Variants in PRR5 observed in about 807,000 individuals in gnomAD.
The protein encoded by PRR5 is proline rich 5.
A neutral mutation model predicts 30.6 loss-of-function variants in PRR5; 25 were observed. The observed-to-expected ratio is 0.82, with a 90% CI of 0.60 to 1.14. The LOEUF is 1.14. PRR5 is among the 50% of genes most tolerant of loss of function. The pLI, the probability that PRR5 is intolerant of heterozygous loss-of-function variation, is 0.00. For missense variants in PRR5, 600 were observed against 547.1 expected, an observed-to-expected ratio of 1.10 and a Z score of -0.96; for synonymous variants, 286 against 247.1, an observed-to-expected ratio of 1.16 and a Z score of -1.48.
At chr22:44,727,034 G>A (rs1920981855) in intron 4 of PRR5, among the ~76,000 whole-genome samples, 1 of 152,118 alleles carries the variant, frequency 6.6e-6, no homozygotes, top group Non-Finnish European at 1.5e-5. Flanking sequence ...GACAGGGTGG[G>A]GGACTCAGCT....
At chr22:44,679,824 A>AGGGAAGCCTGGGGCTC (rs1924100699) in intron 1 of PRR5, 4 of 1,599,358 alleles carry the variant, frequency 2.5e-6, no homozygotes, top group Middle Eastern at 3.3e-4. Context: ...ACTTTCACAG[A>AGGGAAGCCTGGGGCTC]GGGAAGCCTG....
At chr22:44,671,113 C>T (rs987665581) in intron 1 of PRR5, among the ~76,000 whole-genome samples, 1 of 152,150 alleles carries the variant, frequency 6.6e-6, no homozygotes, top group Admixed American at 6.5e-5. Flanking sequence ...TGGTGCTATC[C>T]GGGTCAGATG....
chr22:44,708,536 G>A (rs945103395), intron 1 of PRR5, among the ~76,000 whole-genome samples: 3 of 152,098 alleles, frequency 2.0e-5, no homozygotes, highest in African/African-American at 4.8e-5. Flanking sequence ...CAGCAACACC[G>A]TGCTCCCCAT....
At chr22:44,705,048 C>G (rs368075762) in intron 1 of PRR5, among the ~76,000 whole-genome samples, 1 of 152,172 alleles carries the variant, frequency 6.6e-6, no homozygotes, top group African/African-American at 2.4e-5. Flanking sequence ...CATTATGAGT[C>G]CAAGACACAC....
chr22:44,700,078 G>A (rs1055871567), upstream of PRR5, among the ~76,000 whole-genome samples: 3 of 152,070 alleles, frequency 2.0e-5, no homozygotes, highest in Non-Finnish European at 2.9e-5. Flanking sequence ...CACTATGGGT[G>A]GCCAAAAGTG....
chr22:44,735,855 A>G (rs1923138591), intron 7 of PRR5, among the ~76,000 whole-genome samples: 1 of 152,018 alleles, frequency 6.6e-6, no homozygotes, highest in African/African-American at 2.4e-5. Context: ...GCTGGTGTAA[A>G]ACCTGCCCAC....
In PRR5 at chr22:44,737,443, T is replaced by C; in HGVS notation, c.*196T>C. 8.3e-7 allele frequency: 1 copy of C among 1,206,058 alleles called. No homozygotes were observed. Among genetic ancestry groups the C allele is most frequent in the Non-Finnish European group, 1.1e-6 (1 of 904,810 alleles). 74.7% of individuals were successfully genotyped at this position (1,206,058 alleles called of 1,614,324 possible). A position where few individuals can be genotyped will look rare whatever the true frequency, so the allele number is the denominator to read the frequency against. On this transcript the variant is annotated 3_prime_UTR_variant, in exon 8 of 8. Transcript: ENST00000336985. ...GCCTTCCTTGCTCGGCCCAGGTCTG[T>C]TTCAGGCATCTGAGTCGGCGTTTAC... is the stretch of plus-strand genomic sequence containing the variant.
intron 1 of PRR5, among the ~76,000 whole-genome samples, chr22:44,712,061 G>T (rs1167624687): frequency 6.6e-6 from 1 of 152,004 alleles, no homozygotes; most frequent in Non-Finnish European, 1.5e-5. Context: ...TTCTCACAGG[G>T]GAGCGTCATC....
At chr22:44,674,364 G>A (rs528618937), upstream of PRR5, among the ~76,000 whole-genome samples, 94 of 151,898 alleles carry the variant, frequency 6.2e-4, no homozygotes, top group African/African-American at 2.1e-3. Context: ...AGCCAGGCAC[G>A]GTGGCTCATG....
chr22:44,735,608 G>C (rs1372449598), intron 7 of PRR5, among the ~76,000 whole-genome samples: 1 of 152,204 alleles, frequency 6.6e-6, no homozygotes, highest in Non-Finnish European at 1.5e-5. Context: ...AGCTGGCCAC[G>C]TTGCTCCCTT....
chr22:44,718,144 G>C (rs1290560674), intron 2 of PRR5, among the ~76,000 whole-genome samples: 3 of 150,430 alleles, frequency 2.0e-5, no homozygotes, highest in Admixed American at 2.0e-4. Context: ...TAACGCTGCT[G>C]TGAACATCTG....
chr22:44,687,643 G>C (rs1462912462), intron 1 of PRR5, among the ~76,000 whole-genome samples: 1 of 152,180 alleles, frequency 6.6e-6, no homozygotes, highest in Non-Finnish European at 1.5e-5. Context: ...GGAGAATTCA[G>C]TTTCACCTCC....
chr22:44,670,940 A>G (rs945981976), intron 1 of PRR5, among the ~76,000 whole-genome samples: 2 of 152,178 alleles, frequency 1.3e-5, no homozygotes, highest in Non-Finnish European at 2.9e-5. Flanking sequence ...TGTGAGAAGA[A>G]CAGAGCTCTC....
intron 1 of PRR5, among the ~76,000 whole-genome samples, chr22:44,685,676 G>A (rs1206280231): frequency 2.0e-5 from 3 of 151,924 alleles, no homozygotes; most frequent in African/African-American, 4.8e-5. Context: ...CACAGCCACC[G>A]TGACTCTGCC....
chr22:44,701,602 T>TG (rs1393947652), upstream of PRR5, among the ~76,000 whole-genome samples: 1 of 152,170 alleles, frequency 6.6e-6, no homozygotes, highest in Admixed American at 6.5e-5. Flanking sequence ...CCAAGAGACC[T>TG]GGGGGTGGGA....
chr22:44,673,786 G>C (rs1006432652), upstream of PRR5, among the ~76,000 whole-genome samples: 1 of 152,142 alleles, frequency 6.6e-6, no homozygotes, highest in Non-Finnish European at 1.5e-5. Flanking sequence ...TGGCTTTGCT[G>C]TGATGGAGGG....
upstream of PRR5, among the ~76,000 whole-genome samples, chr22:44,675,249 CAA>C (rs136919): frequency 6.7e-6 from 1 of 148,832 alleles, no homozygotes. Flanking sequence ...GACGCTGTCT[CAA>C]AAAAAAAAGA....
chr22:44,709,249 T>A (rs1420122659), intron 1 of PRR5, among the ~76,000 whole-genome samples: 2 of 152,140 alleles, frequency 1.3e-5, no homozygotes, highest in Non-Finnish European at 2.9e-5. Flanking sequence ...AGAAGCAGCC[T>A]GAGCAGATTT....
At chr22:44,692,412 A>G (rs1175780279) in intron 1 of PRR5, among the ~76,000 whole-genome samples, 2 of 74,346 alleles carry the variant, frequency 2.7e-5, no homozygotes, top group Admixed American at 1.6e-4. Context: ...CCACCCAGGG[A>G]TCCTCCTCCT....
Sources: gnomAD v4.1 joint callset for allele counts (sites outside exome capture counted in the v4.1 genomes callset) on GRCh38, gnomAD v4.1.1 for gene constraint, MANE v1.5 for transcripts, NCBI Gene and HGNC (gene_info 2026-07-23, HGNC 2026-07-21) for gene names.